CLSTN2: variants seen among roughly 807,000 people sequenced by gnomAD.
CLSTN2 encodes the protein calsyntenin-2.
Under a neutral mutation model 101.2 loss-of-function variants are expected in CLSTN2, and 48 were observed. The observed-to-expected ratio is 0.47, with a 90% confidence interval of 0.38 to 0.60. The LOEUF (loss-of-function observed/expected upper bound fraction) is 0.60, where lower values mean the gene tolerates loss of function less well. Ranked by LOEUF, CLSTN2 falls within the 20% of genes least tolerant of loss-of-function variation. The pLI is 0.00. For synonymous variants in CLSTN2, 481 were observed against 463.6 expected, an observed-to-expected ratio of 1.04 and a Z score of -0.48; for missense variants, 1,160 against 1,238.2, an observed-to-expected ratio of 0.94 and a Z score of 0.95.
chr3:140,419,241 G>A (rs2088465885), intron 4 of CLSTN2, among the ~76,000 whole-genome samples: 1 of 150,994 alleles, frequency 6.6e-6, no homozygotes, highest in Admixed American at 6.6e-5. Context: ...CCAGCACTTT[G>A]GGAGGATGAG....
At chr3:140,116,650 GGCA>G (rs2009247648) in intron 1 of CLSTN2, among the ~76,000 whole-genome samples, 5 of 152,078 alleles carry the variant, frequency 3.3e-5, no homozygotes, top group African/African-American at 1.2e-4. Flanking sequence ...GGTGTCTTCT[GGCA>G]TTGCCTCAGT....
intron 7 of CLSTN2, among the ~76,000 whole-genome samples, chr3:140,464,692 A>G (rs1933644407): frequency 6.6e-6 from 1 of 152,220 alleles, no homozygotes; most frequent in African/African-American, 2.4e-5. Context: ...ACTAAAGGCA[A>G]AAATTCTTCC....
At chr3:140,430,676 G>A (rs2088618563) in intron 5 of CLSTN2, among the ~76,000 whole-genome samples, 1 of 152,204 alleles carries the variant, frequency 6.6e-6, no homozygotes, top group Admixed American at 6.5e-5. Flanking sequence ...GGGAGTGGGT[G>A]ATTAGATGCG....
rs144333197 is a variant in CLSTN2, at chr3:140,397,621, C to T, written c.233-6008C>T. On this transcript the variant is annotated intron_variant, in intron 2 of 16. Transcript: ENST00000458420. The stretch of plus-strand genomic sequence containing the variant: ...ATAGATAGCACCTTCTCACTGTAAC[C>T]TCACATGGCTGAAGAGGACAGGGAT... 3.0e-3 allele frequency among the ~76,000 whole-genome samples: 457 copies of T among 152,242 alleles called. 1 individual carries two copies. The highest frequency in any genetic ancestry group is 5.2e-3 in the Non-Finnish European group (354 of 68,026).
intron 6 of CLSTN2, among the ~76,000 whole-genome samples, chr3:140,452,001 A>G (rs563297478): frequency 2.0e-5 from 3 of 152,268 alleles, no homozygotes; most frequent in South Asian, 4.2e-4. Flanking sequence ...AGGCTTGGAG[A>G]CAGAAATCAG....
At chr3:139,936,767 G>T (rs72979848) in intron 1 of CLSTN2, among the ~76,000 whole-genome samples, 2 of 152,306 alleles carry the variant, frequency 1.3e-5, no homozygotes, top group Admixed American at 1.3e-4. Flanking sequence ...TATTTGAGAA[G>T]AACATGGGAG....
intron 1 of CLSTN2, among the ~76,000 whole-genome samples, chr3:139,946,237 C>T (rs866472623): frequency 6.6e-5 from 10 of 152,338 alleles, no homozygotes; most frequent in Admixed American, 2.0e-4. Context: ...CATGCTTTCT[C>T]TCTCATGCTG....
chr3:139,936,031 G>A (rs1453186594), intron 1 of CLSTN2, among the ~76,000 whole-genome samples: 1 of 152,150 alleles, frequency 6.6e-6, no homozygotes, highest in Non-Finnish European at 1.5e-5. Flanking sequence ...CCGGGTAGGC[G>A]GCGGGGTCCG....
At chr3:140,396,470 G>T (rs1576547417) in intron 2 of CLSTN2, among the ~76,000 whole-genome samples, 1 of 152,046 alleles carries the variant, frequency 6.6e-6, no homozygotes, top group Admixed American at 6.6e-5. Flanking sequence ...ATAATAACAG[G>T]GAAGAGAGCT....
intron 4 of CLSTN2, among the ~76,000 whole-genome samples, chr3:140,410,132 G>A (rs2088346837): frequency 6.6e-6 from 1 of 152,010 alleles, no homozygotes; most frequent in African/African-American, 2.4e-5. Context: ...CTTATTTAAA[G>A]GCATACTGGT....
intron 1 of CLSTN2, among the ~76,000 whole-genome samples, chr3:140,108,128 T>A (rs1291918708): frequency 1.3e-5 from 2 of 152,194 alleles, no homozygotes; most frequent in Non-Finnish European, 2.9e-5. Flanking sequence ...AGACAGCATC[T>A]TCTGAAATGT....
chr3:140,365,593 A>G (rs1028865042), intron 2 of CLSTN2, among the ~76,000 whole-genome samples: 4 of 152,100 alleles, frequency 2.6e-5, no homozygotes, highest in Admixed American at 2.6e-4. Flanking sequence ...TCATCGGGGA[A>G]ACTAAGGCCC....
At chr3:140,360,249 C>T (rs2087713838) in intron 2 of CLSTN2, among the ~76,000 whole-genome samples, 2 of 152,146 alleles carry the variant, frequency 1.3e-5, no homozygotes, top group Non-Finnish European at 2.9e-5. Context: ...TGCCAAGTAG[C>T]TGTAGATGTG....
chr3:139,946,391 G>A (rs897173914), intron 1 of CLSTN2, among the ~76,000 whole-genome samples: 1 of 152,202 alleles, frequency 6.6e-6, no homozygotes, highest in Non-Finnish European at 1.5e-5. Flanking sequence ...GACAGGGCAT[G>A]TCCAAGTGGG....
chr3:140,437,048 T>G (rs1206357151), intron 5 of CLSTN2, among the ~76,000 whole-genome samples: 3 of 105,816 alleles, frequency 2.8e-5, no homozygotes, highest in Non-Finnish European at 5.3e-5. Context: ...CTGGGAGGTT[T>G]GGTTTTTTTT....
chr3:140,561,182 C>T (rs1935906310), intron 12 of CLSTN2, among the ~76,000 whole-genome samples: 1 of 151,942 alleles, frequency 6.6e-6, no homozygotes, highest in African/African-American at 2.4e-5. Context: ...AATTATCTCT[C>T]TTCACAAGTT....
At chr3:140,101,012 G>A (rs1263828271) in intron 1 of CLSTN2, among the ~76,000 whole-genome samples, 1 of 152,040 alleles carries the variant, frequency 6.6e-6, no homozygotes, top group African/African-American at 2.4e-5. Context: ...CAAGGCTGTA[G>A]AGACCCTGGT....
chr3:140,249,841 G>A (rs1225233552), intron 2 of CLSTN2, among the ~76,000 whole-genome samples: 1 of 152,162 alleles, frequency 6.6e-6, no homozygotes, highest in African/African-American at 2.4e-5. Flanking sequence ...TGTCAAGAAA[G>A]GGTTTAGAAA....
intron 8 of CLSTN2, among the ~76,000 whole-genome samples, chr3:140,484,740 A>C (rs558850422): frequency 3.2e-4 from 49 of 152,192 alleles, no homozygotes; most frequent in African/African-American, 1.1e-3. Context: ...CCTTTCTTCC[A>C]GTTGATCGAA....
Sources: gnomAD v4.1 joint callset for allele counts (sites outside exome capture counted in the v4.1 genomes callset) on GRCh38, gnomAD v4.1.1 for gene constraint, MANE v1.5 for transcripts, NCBI Gene and HGNC (gene_info 2026-07-23, HGNC 2026-07-21) for gene names.